The following PALM2AKAP2 variants were observed in gnomAD, a reference collection of about 807,000 sequenced individuals.
PALM2AKAP2 encodes PALM2 and AKAP2 fusion, also known as PALM2-AKAP2 fusion protein.
In PALM2AKAP2, 37 loss-of-function variants were observed where a neutral mutation model predicts 71.5. The observed-to-expected ratio is 0.52, with a 90% CI of 0.40 to 0.68. The LOEUF is 0.68. Among genes scored for constraint, PALM2AKAP2 ranks in the 30% least tolerant of loss-of-function variants. PALM2AKAP2 has a pLI of 0.00. For missense variants in PALM2AKAP2, 1,224 were observed against 1,191.8 expected (o/e 1.03, Z -0.40); for synonymous variants, 468 against 478.8 (o/e 0.98, Z 0.29).
At chr9:109,876,724 C>G (rs1829730744) in intron 2 of PALM2AKAP2, among the ~76,000 whole-genome samples, 3 of 152,230 alleles carry the variant, frequency 2.0e-5, no homozygotes. Context: ...AGGTGATCCA[C>G]CTGCCTTGGC....
upstream of PALM2AKAP2, chr9:109,780,294 G>A: frequency 8.1e-7 from 1 of 1,239,814 alleles, no homozygotes. Flanking sequence ...GGGAGGGCGG[G>A]GGCCAGAGGC....
At chr9:109,884,483 G>A (rs905811139) in intron 3 of PALM2AKAP2, among the ~76,000 whole-genome samples, 1 of 152,060 alleles carries the variant, frequency 6.6e-6, no homozygotes, top group Admixed American at 6.6e-5. Context: ...TAAAAATAAA[G>A]AGGACTAACT....
At chr9:110,143,431 AAG>A (rs1836085793) in intron 2 of PALM2AKAP2, among the ~76,000 whole-genome samples, 2 of 151,246 alleles carry the variant, frequency 1.3e-5, no homozygotes, top group Admixed American at 6.6e-5. Flanking sequence ...AAAAAAAAAA[AAG>A]GAGAGAGAGA....
chr9:109,948,581 T>C (rs1235617820), intron 6 of PALM2AKAP2, among the ~76,000 whole-genome samples: 1 of 152,226 alleles, frequency 6.6e-6, no homozygotes, highest in Non-Finnish European at 1.5e-5. Context: ...GGGTCTGTTT[T>C]CTAAGTTTTT....
Position 109,931,070 on chromosome 9 carries a change from C to T in PALM2AKAP2, c.395-857C>T, listed in dbSNP as rs374055871. ...AAGGAAGGGATCACATCTCATGGTG[C>T]CCAGCTTTCCGGAATCTTCCTGCTT... On this transcript the variant is annotated intron_variant, in intron 5 of 9. Transcript: ENST00000302798. Among the ~76,000 whole-genome samples, 215 of 152,276 alleles carry T rather than the reference C, an allele frequency of 1.4e-3. 4 individuals carry two copies. In the South Asian group the frequency reaches 0.044, roughly 31 times the overall value.
chr9:110,156,115 T>A (rs1750520126), intron 2 of PALM2AKAP2, among the ~76,000 whole-genome samples: 1 of 152,204 alleles, frequency 6.6e-6, no homozygotes, highest in African/African-American at 2.4e-5. Context: ...TGGAACTTGG[T>A]GTCCTTGAGA....
Position 110,170,188 on chromosome 9 carries a change from T to C in PALM2AKAP2, c.*1691T>C, listed in dbSNP as rs1298984989. The C allele has an allele frequency of 2.0e-5, 3 of 152,598 alleles. No homozygotes were observed. In the East Asian group the frequency reaches 5.8e-4, roughly 29 times the overall value. The allele number at this position is 152,598 out of a possible 1,614,324, so 9.5% of individuals were successfully genotyped here. ...GCCCTAAATTTCTGGATGAGAAAAT[T>C]TTCAATTCTGGCCATGAGAAAGAAA... On this transcript the variant is annotated 3_prime_UTR_variant, in exon 4 of 4. Transcript: ENST00000374525.
At chr9:110,021,345 G>A (rs924266441) in intron 7 of PALM2AKAP2, among the ~76,000 whole-genome samples, 7 of 152,164 alleles carry the variant, frequency 4.6e-5, no homozygotes, top group African/African-American at 1.4e-4. Context: ...AGGGAGAGGA[G>A]TGCAGCCCTC....
Position 109,724,066 on chromosome 9 carries a change from G to A in PALM2AKAP2, c.6-56422G>A, listed in dbSNP as rs551062351. Among the ~76,000 whole-genome samples the A allele has an allele frequency of 1.1e-3, 171 of 151,972 alleles. 1 individual carries two copies. The highest frequency in any genetic ancestry group is 3.9e-3 in the African/African-American group (163 of 41,450). ...GAAAACAAATGAAAGTATATAAAGG[G>A]GCTCAATGTGAAGGCTTACAGAGAA... On this transcript the variant is annotated intron_variant, in intron 1 of 6. Transcript: ENST00000374531.
intron 1 of PALM2AKAP2, among the ~76,000 whole-genome samples, chr9:110,095,716 C>T (rs1834820550): frequency 6.6e-6 from 1 of 152,212 alleles, no homozygotes; most frequent in African/African-American, 2.4e-5. Flanking sequence ...ATTGCCTCCT[C>T]CCCATCTTGT....
intron 6 of PALM2AKAP2, among the ~76,000 whole-genome samples, chr9:110,007,173 G>T (rs1382217380): frequency 6.6e-6 from 1 of 152,150 alleles, no homozygotes; most frequent in Non-Finnish European, 1.5e-5. Flanking sequence ...TCAGAGAAAA[G>T]CCAGGAGAAT....
At chr9:109,794,399 G>C (rs1827192861) in intron 1 of PALM2AKAP2, among the ~76,000 whole-genome samples, 1 of 81,530 alleles carries the variant, frequency 1.2e-5, no homozygotes, top group South Asian at 6.0e-4. Flanking sequence ...AGATTTTCCA[G>C]GTGTATTTTT....
intron 7 of PALM2AKAP2, among the ~76,000 whole-genome samples, chr9:110,035,923 T>C (rs1326855878): frequency 6.6e-6 from 1 of 150,952 alleles, no homozygotes; most frequent in Non-Finnish European, 1.5e-5. Context: ...GATATATATA[T>C]TGTTTTGGTG....
chr9:109,750,098 A>G lies in PALM2AKAP2; in HGVS notation c.6-30390A>G, dbSNP rs189432073. On this transcript the variant is annotated intron_variant, in intron 1 of 6. Coordinates refer to the PALM2AKAP2 transcript ENST00000374531. Reference sequence around the variant, plus strand: ...TGTAGGTAAACCCCTGGATGGTTATAGTTAAGGACAGAAAGACAAGGAGTG... The same window carrying G: ...TGTAGGTAAACCCCTGGATGGTTATGGTTAAGGACAGAAAGACAAGGAGTG... Among the ~76,000 whole-genome samples the G allele has an allele frequency of 9.8e-5, 15 of 152,336 alleles. No homozygotes were observed. The East Asian group carries it at 2.5e-3, about 25-fold the overall frequency.
At chr9:109,830,406 A>G (rs1587940870) in intron 1 of PALM2AKAP2, among the ~76,000 whole-genome samples, 2 of 152,270 alleles carry the variant, frequency 1.3e-5, no homozygotes, top group East Asian at 1.9e-4. Flanking sequence ...TGGTCCGTTC[A>G]TCAAACCAGG....
intron 1 of PALM2AKAP2, among the ~76,000 whole-genome samples, chr9:109,702,333 G>A (rs1051628511): frequency 8.5e-5 from 13 of 152,166 alleles, no homozygotes; most frequent in African/African-American, 3.1e-4. Flanking sequence ...CAAAGACTTG[G>A]AACCAACCCA....
chr9:110,035,656 TATAGGATATGTTGTGTGTTATATATA>T (rs1402473877), intron 7 of PALM2AKAP2, among the ~76,000 whole-genome samples: 8 of 128,168 alleles, frequency 6.2e-5, no homozygotes, highest in African/African-American at 2.5e-4. Context: ...ATATAACATA[TATAGGATATGTTGTGTGTTATATATA>T]ACATATATAG....
chr9:110,153,139 A>G (rs1194694018), intron 2 of PALM2AKAP2, among the ~76,000 whole-genome samples: 1 of 152,178 alleles, frequency 6.6e-6, no homozygotes, highest in Non-Finnish European at 1.5e-5. Flanking sequence ...TGCTCAAGGG[A>G]TGAAATCATC....
chr9:110,021,867 A>C (rs1214275368), intron 7 of PALM2AKAP2, among the ~76,000 whole-genome samples: 2 of 152,198 alleles, frequency 1.3e-5, no homozygotes, highest in African/African-American at 4.8e-5. Flanking sequence ...TCAGATTCAG[A>C]AGACCTGGGC....
Sources: allele counts gnomAD v4.1 joint callset (sites outside exome capture counted in the v4.1 genomes callset), GRCh38; gene constraint gnomAD v4.1.1; transcripts MANE v1.5; gene names NCBI Gene and HGNC (gene_info 2026-07-23, HGNC 2026-07-21).